Variants in VAV3 observed in about 807,000 individuals in gnomAD.
The protein encoded by VAV3 is vav guanine nucleotide exchange factor 3.
Under a neutral mutation model 131.2 loss-of-function variants are expected in VAV3, and 94 were observed. The observed-to-expected ratio is 0.72, with a 90% CI of 0.61 to 0.85. The LOEUF is 0.85. VAV3 is among the 40% of genes least tolerant of loss of function. The pLI is 0.00. For synonymous variants in VAV3, 349 were observed against 342.0 expected (o/e 1.02, Z -0.22); for missense variants, 939 against 1,002.7 (o/e 0.94, Z 0.86).
intron 21 of VAV3, among the ~76,000 whole-genome samples, chr1:107,616,301 G>A (rs1311990739): frequency 6.6e-6 from 1 of 152,158 alleles, no homozygotes; most frequent in Non-Finnish European, 1.5e-5. Flanking sequence ...CATGGGTGGA[G>A]CTGGAGGCCA....
In VAV3 at chr1:107,827,790, G is replaced by A. The variant is rs1012852184; in HGVS notation, c.321+47111C>T. On this transcript the variant is annotated intron_variant, in intron 2 of 26. Transcript: ENST00000370056. Reference sequence around the variant, plus strand: ...ATTTGAAACAGTCTTATTTCTGTGAGTGATTAAAATTTTTAATAAAGGACC... The same window carrying A: ...ATTTGAAACAGTCTTATTTCTGTGAATGATTAAAATTTTTAATAAAGGACC... Among the ~76,000 whole-genome samples the A allele has an allele frequency of 7.9e-5, 12 of 152,166 alleles. No homozygotes were observed. In the East Asian group the frequency reaches 1.7e-3, roughly 22 times the overall value.
intron 2 of VAV3, among the ~76,000 whole-genome samples, chr1:107,812,382 G>C (rs1035282992): frequency 1.3e-5 from 2 of 151,986 alleles, no homozygotes; most frequent in East Asian, 3.9e-4. Flanking sequence ...TGTGTCACAC[G>C]TGTGCCCGTT....
At chr1:107,611,403 T>C (rs1652716241) in intron 21 of VAV3, among the ~76,000 whole-genome samples, 1 of 152,188 alleles carries the variant, frequency 6.6e-6, no homozygotes, top group Non-Finnish European at 1.5e-5. Context: ...ATACCCATTC[T>C]AATCATTCAA....
At chr1:107,942,592 T>G (rs1674055242) in intron 1 of VAV3, among the ~76,000 whole-genome samples, 1 of 152,158 alleles carries the variant, frequency 6.6e-6, no homozygotes, top group Non-Finnish European at 1.5e-5. Context: ...CCTTCATACC[T>G]CTCATGAAAT....
At chr1:107,740,895 A>G (rs1008675266) in intron 15 of VAV3, among the ~76,000 whole-genome samples, 3 of 152,186 alleles carry the variant, frequency 2.0e-5, no homozygotes, top group African/African-American at 7.2e-5. Context: ...AGCCTAAACC[A>G]TTTACTCTCT....
At chr1:107,769,161 C>T (rs565184705) in intron 6 of VAV3, among the ~76,000 whole-genome samples, 93 of 152,246 alleles carry the variant, frequency 6.1e-4, no homozygotes, top group Non-Finnish European at 1.1e-3. Flanking sequence ...CACTAACCAT[C>T]CCACCTCCAT....
chr1:107,624,169 A>G (rs1653819530), intron 20 of VAV3, among the ~76,000 whole-genome samples: 1 of 152,182 alleles, frequency 6.6e-6, no homozygotes, highest in East Asian at 1.9e-4. Context: ...ACTAAAAGCC[A>G]TAAGCTGTAG....
chr1:107,955,300 C>T (rs968645468), intron 1 of VAV3, among the ~76,000 whole-genome samples: 7 of 151,056 alleles, frequency 4.6e-5, no homozygotes, highest in Admixed American at 2.6e-4. Context: ...TTTTTAATGA[C>T]AGTCAGTGCT....
Position 107,962,301 on chromosome 1 carries a change from C to A in VAV3, c.204+2365G>T, listed in dbSNP as rs142481290. Among the ~76,000 whole-genome samples, 457 of 151,724 alleles carry A rather than the reference C, an allele frequency of 3.0e-3. 9 individuals carry two copies. Among genetic ancestry groups the A allele is most frequent in the Admixed American group, 0.024 (373 of 15,264 alleles). On this transcript the variant is annotated intron_variant, in intron 1 of 26. Transcript: ENST00000370056. ...AATAGTGTATTCACTACAGCTAGAA[C>A]CTTTCCCAAGAAAGAGATGAGTAGT...
chr1:107,748,271 T>C (rs1161037064), intron 15 of VAV3, among the ~76,000 whole-genome samples: 1 of 152,212 alleles, frequency 6.6e-6, no homozygotes, highest in Non-Finnish European at 1.5e-5. Context: ...TCCTATATAT[T>C]TCTACAAAAA....
At chr1:107,757,643 C>T (rs769757555) in intron 10 of VAV3, among the ~76,000 whole-genome samples, 41 of 152,150 alleles carry the variant, frequency 2.7e-4, no homozygotes, top group Non-Finnish European at 4.6e-4. Flanking sequence ...ACTTTTTACT[C>T]ATTTATTATT....
At chr1:107,617,436 A>G (rs1653243785) in intron 21 of VAV3, 131 bp downstream of exon 21, 3 of 699,556 alleles carry the variant, frequency 4.3e-6, no homozygotes, top group Non-Finnish European at 6.7e-6. Context: ...TGTTGAAAAT[A>G]ATGATTCTTC....
intron 15 of VAV3, among the ~76,000 whole-genome samples, chr1:107,733,611 C>T (rs935038337): frequency 1.3e-5 from 2 of 151,672 alleles, no homozygotes; most frequent in African/African-American, 4.9e-5. Flanking sequence ...CTTCGGTAGC[C>T]GATTCAATCA....
chr1:107,793,793 A>AT (rs1666413379), intron 2 of VAV3, among the ~76,000 whole-genome samples: 1 of 152,228 alleles, frequency 6.6e-6, no homozygotes, highest in Non-Finnish European at 1.5e-5. Flanking sequence ...TCTAGTAGCT[A>AT]TATCAGAGAA....
At chr1:107,702,429 C>T (rs1022657963) in intron 17 of VAV3, among the ~76,000 whole-genome samples, 1 of 152,076 alleles carries the variant, frequency 6.6e-6, no homozygotes, top group Non-Finnish European at 1.5e-5. Context: ...CCAATACTTA[C>T]AAAGGGTAAG....
At chr1:107,870,261 G>C (rs945157726) in intron 2 of VAV3, among the ~76,000 whole-genome samples, 1 of 152,170 alleles carries the variant, frequency 6.6e-6, no homozygotes, top group Non-Finnish European at 1.5e-5. Flanking sequence ...CAGCAGCGTA[G>C]AAGTGTTCCC....
intron 1 of VAV3, among the ~76,000 whole-genome samples, chr1:107,895,070 A>C (rs906410744): frequency 3.3e-5 from 5 of 152,162 alleles, no homozygotes; most frequent in African/African-American, 1.2e-4. Flanking sequence ...AATGAGGAGA[A>C]ATCAAGAGGA....
intron 19 of VAV3, among the ~76,000 whole-genome samples, chr1:107,648,215 T>G (rs1297518277): frequency 6.6e-6 from 1 of 152,058 alleles, no homozygotes; most frequent in South Asian, 2.1e-4. Context: ...ACAGCTCATA[T>G]AAAAACAAGG....
At chr1:107,767,457 T>C (rs919386048) in intron 7 of VAV3, among the ~76,000 whole-genome samples, 1 of 152,192 alleles carries the variant, frequency 6.6e-6, no homozygotes, top group African/African-American at 2.4e-5. Flanking sequence ...ACTTAAGTGG[T>C]TCAAGATCCT....
Sources: gnomAD v4.1 joint callset for allele counts (sites outside exome capture counted in the v4.1 genomes callset) on GRCh38, gnomAD v4.1.1 for gene constraint, MANE v1.5 for transcripts, NCBI Gene and HGNC (gene_info 2026-07-23, HGNC 2026-07-21) for gene names.